The following ZMYND8 variants were observed in gnomAD, a reference collection of about 807,000 sequenced individuals.
ZMYND8 encodes zinc finger MYND-type containing 8.
ZMYND8 carries 37 observed loss-of-function variants against 140.8 expected under a neutral mutation model. The observed-to-expected ratio is 0.26, with a 90% CI of 0.20 to 0.35. ZMYND8 has a LOEUF of 0.35. ZMYND8 is among the 10% of genes least tolerant of loss of function. ZMYND8 has a pLI of 1.00. For synonymous variants in ZMYND8, 592 were observed against 597.1 expected (o/e 0.99, Z 0.12); for missense variants, 1,068 against 1,570.0 (o/e 0.68, Z 5.40).
At position 47,356,665 on chromosome 20, in the gene ZMYND8, A is replaced by G. The variant is rs749202297; in HGVS notation, c.6T>C (p.His2=). Residue 2 remains histidine, a synonymous_variant, in exon 1 of 23, where the codon CAT becomes CAC. Coordinates refer to ENST00000471951, the MANE Select transcript of ZMYND8 (RefSeq NM_001281775.3). ...TAAAAAGTCGAGCTTACCTCTGTGG[A>G]TGCATTGTTAACACTGTGTAATGTC... The part of the protein sequence containing the change: M[H]PQSLAEEEIK... 6.2e-7 allele frequency: 1 copy of G among 1,614,194 alleles called. No homozygotes were observed. The highest frequency in any genetic ancestry group is 1.7e-5 in the Admixed American group (1 of 60,030).
At chr20:47,247,114 C>T (rs141781994) in intron 13 of ZMYND8, among the ~76,000 whole-genome samples, 34 of 152,324 alleles carry the variant, frequency 2.2e-4, no homozygotes, top group African/African-American at 7.9e-4. Context: ...ATGTTTCATG[C>T]GAGAGGCACT....
intron 12 of ZMYND8, among the ~76,000 whole-genome samples, chr20:47,258,475 A>C (rs912533411): frequency 1.3e-5 from 2 of 152,232 alleles, no homozygotes; most frequent in Admixed American, 6.5e-5. Flanking sequence ...ACCTGCATAG[A>C]TTCCTGTAAC....
At chr20:47,211,587 G>A (rs751106284) in intron 22 of ZMYND8, among the ~76,000 whole-genome samples, 20 of 152,282 alleles carry the variant, frequency 1.3e-4, no homozygotes, top group East Asian at 5.8e-4. Context: ...AGGAAGAGCC[G>A]AATGAGGTGT....
At chr20:47,349,958 G>A (rs73130985) in intron 1 of ZMYND8, 45 of 1,534,114 alleles carry the variant, frequency 2.9e-5, no homozygotes, top group Non-Finnish European at 3.8e-5. Flanking sequence ...TAACAGCCTA[G>A]AGGAGCTGAA....
chr20:47,301,184 C>T lies in ZMYND8; in HGVS notation c.235-2237G>A, dbSNP rs1475969870. 4.1e-5 allele frequency among the ~76,000 whole-genome samples: 6 copies of T among 147,890 alleles called. No individual in the cohort carries two copies. In the East Asian group the frequency reaches 6.0e-4, roughly 15 times the overall value. On this transcript the variant is annotated intron_variant, in intron 3 of 22. Transcript: ENST00000471951. Reference sequence around the variant, plus strand: ...TTTTTTTTTTTTTGAGATGGTGTTCCGCTCTTGTTGCCCAGGATAGAGTGC... The same window carrying T: ...TTTTTTTTTTTTTGAGATGGTGTTCTGCTCTTGTTGCCCAGGATAGAGTGC...
At chr20:47,214,221 G>A (rs1449987488) in intron 21 of ZMYND8, among the ~76,000 whole-genome samples, 1 of 152,226 alleles carries the variant, frequency 6.6e-6, no homozygotes, top group Admixed American at 6.5e-5. Flanking sequence ...TTAATTAGAA[G>A]GGGATCAAAA....
At chr20:47,287,129 C>G in intron 8 of ZMYND8, 100 bp downstream of exon 8, 2 of 1,082,936 alleles carry the variant, frequency 1.8e-6, no homozygotes, top group Non-Finnish European at 2.8e-6. Flanking sequence ...ATTCCAAAAT[C>G]ACCTCGGCTA....
chr20:47,262,236 C>CA (rs2075210541), intron 12 of ZMYND8, 52 bp downstream of exon 12: 1 of 1,612,576 alleles, frequency 6.2e-7, no homozygotes, highest in Non-Finnish European at 8.5e-7. Context: ...ACGTCATTTG[C>CA]AAAAATATCC....
chr20:47,245,872 C>CCT (rs1453691945), intron 14 of ZMYND8, 136 bp downstream of exon 14: 1 of 1,292,616 alleles, frequency 7.7e-7, no homozygotes, highest in African/African-American at 1.5e-5. Context: ...CTTCACTGTG[C>CCT]CTCTCTCTCA....
intron 2 of ZMYND8, among the ~76,000 whole-genome samples, chr20:47,316,059 A>G (rs1160708062): frequency 6.6e-6 from 1 of 152,194 alleles, no homozygotes; most frequent in African/African-American, 2.4e-5. Context: ...GAGGCCGGGC[A>G]CGGTGGCTCA....
intron 12 of ZMYND8, among the ~76,000 whole-genome samples, chr20:47,255,675 GTA>G (rs1282056321): frequency 6.9e-5 from 8 of 115,816 alleles, no homozygotes; most frequent in African/African-American, 1.1e-4. Flanking sequence ...TGTATATGGT[GTA>G]TGTGTGTGTG....
At chr20:47,254,304 A>G (rs576360811) in intron 12 of ZMYND8, among the ~76,000 whole-genome samples, 1 of 152,356 alleles carries the variant, frequency 6.6e-6, no homozygotes, top group African/African-American at 2.4e-5. Context: ...TTTAGAGGGC[A>G]GTTGGGCGAT....
At chr20:47,255,561 A>AGTGT (rs141205253) in intron 12 of ZMYND8, among the ~76,000 whole-genome samples, 39 of 120,064 alleles carry the variant, frequency 3.2e-4, no homozygotes, top group East Asian at 3.2e-3. Flanking sequence ...ACATATACTC[A>AGTGT]GTGTGTGTGT....
chr20:47,336,653 G>A (rs16992517), intron 2 of ZMYND8, among the ~76,000 whole-genome samples: 3,183 of 152,314 alleles, frequency 0.021, 110 homozygotes, highest in African/African-American at 0.073. Context: ...GGCCAGTCTC[G>A]CACAGGGAAT....
At chr20:47,239,173 C>A (rs755189420) in intron 14 of ZMYND8, 35 bp from the exon 15 acceptor site, 3 of 1,484,020 alleles carry the variant, frequency 2.0e-6, no homozygotes, top group Non-Finnish European at 1.8e-6. Context: ...AAACAAAAAC[C>A]GGATTTCACT....
In ZMYND8 at chr20:47,310,198, C is replaced by A. The variant is rs772034832; in HGVS notation, c.92G>T (p.Gly31Val). The change falls in exon 3 of 23, where the codon GGC becomes GTC. Residue 31 changes from glycine (G) to valine (V), a missense_variant. By Grantham distance (109) the Gly-to-Val change is moderately radical (BLOSUM62 -3). This residue lies in a region of ZMYND8 where 77 missense variants were observed against 85.1 expected (regional missense o/e 0.91). Transcript: ENST00000471951. ...TTTCTGGGCTGTTCTCTCTGCAGAG[C>A]CAGGATCTGAAAGAGATACAGGACC... ...MDISTRSKDP[G>V]SAERTAQKRK... The A allele has an allele frequency of 2.5e-6, 4 of 1,603,676 alleles. No homozygotes were observed. The Admixed American group carries it at 7.0e-5, about 28-fold the overall frequency.
At chr20:47,282,302 G>T in intron 9 of ZMYND8, 85 bp from the exon 10 acceptor site, 1 of 1,132,716 alleles carries the variant, frequency 8.8e-7, no homozygotes, top group Non-Finnish European at 1.3e-6. Context: ...GGATGAAGCA[G>T]GACTGTGGGA....
chr20:47,255,722 G>GTATA (rs369654557), intron 12 of ZMYND8, among the ~76,000 whole-genome samples: 1,120 of 76,804 alleles, frequency 0.015, 9 homozygotes, highest in Non-Finnish European at 0.018. Context: ...GTGTATGTGT[G>GTATA]TATATATATA....
rs577155257 is a variant in ZMYND8, at chr20:47,303,293, G to C, written c.235-4346C>G. The stretch of plus-strand genomic sequence containing the variant: ...TTTCCCTTCTTTTTCTTTTTTTTCA[G>C]AACTATTTCTACCCCGAGTGAGGTC... On this transcript the variant is annotated intron_variant, in intron 3 of 22. Coordinates refer to ENST00000471951, the MANE Select transcript of ZMYND8 (RefSeq NM_001281775.3). Among the ~76,000 whole-genome samples the C allele has an allele frequency of 7.9e-5, 12 of 152,094 alleles. 1 individual carries two copies. The highest frequency in any genetic ancestry group is 6.8e-3 in the Middle Eastern group (2 of 294).
Sources: gnomAD v4.1 joint callset for allele counts (sites outside exome capture counted in the v4.1 genomes callset) on GRCh38, gnomAD v4.1.1 for gene constraint, gnomAD v4.1.1 regional missense constraint, MANE v1.5 for transcripts, NCBI Gene and HGNC (gene_info 2026-07-23, HGNC 2026-07-21) for gene names.